Variants in SERPINF1 observed in about 807,000 individuals in gnomAD.
SERPINF1 encodes the protein pigment epithelium-derived factor.
A neutral mutation model predicts 37.3 loss-of-function variants in SERPINF1; 29 were observed. That is an observed-to-expected ratio of 0.78 (90% CI 0.58 to 1.06). The LOEUF (loss-of-function observed/expected upper bound fraction) is 1.06, where lower values mean the gene tolerates loss of function less well. Among genes scored for constraint, SERPINF1 ranks in the 50% least tolerant of loss-of-function variants. The pLI is 0.00. For missense variants in SERPINF1, 553 were observed against 532.2 expected, an observed-to-expected ratio of 1.04 and a Z score of -0.38; for synonymous variants, 281 against 227.9, an observed-to-expected ratio of 1.23 and a Z score of -2.10.
At chr17:1,764,672 C>T (rs1827102972) in intron 1 of SERPINF1, among the ~76,000 whole-genome samples, 1 of 152,132 alleles carries the variant, frequency 6.6e-6, no homozygotes, top group African/African-American at 2.4e-5. Flanking sequence ...AGGACGAGAG[C>T]CAACAATCAC....
At chr17:1,775,274 T>C (rs1226478347) in intron 6 of SERPINF1, 74 bp downstream of exon 6, 1 of 1,482,576 alleles carries the variant, frequency 6.7e-7, no homozygotes. Flanking sequence ...GTAGTGGGAA[T>C]AAAATGACCT....
At chr17:1,774,964 G>C in intron 5 of SERPINF1, 94 bp from the exon 6 acceptor site, 1 of 1,545,144 alleles carries the variant, frequency 6.5e-7, no homozygotes, top group Non-Finnish European at 8.9e-7. Context: ...CCTTGAGTGG[G>C]GCAATTTTCA....
chr17:1,776,002 A>G (rs550363801), intron 6 of SERPINF1, among the ~76,000 whole-genome samples: 2 of 152,280 alleles, frequency 1.3e-5, no homozygotes, highest in South Asian at 2.1e-4. Flanking sequence ...GTTTCTGTCA[A>G]CGATTTCGGA....
Position 1,777,452 on chromosome 17 carries a change from C to T in SERPINF1, c.*6C>T, listed in dbSNP as rs573596211. On this transcript the variant is annotated 3_prime_UTR_variant, in exon 8 of 8. Transcript: ENST00000254722. ...TGGACCCCAGGGGCCCCTAATATCC[C>T]AGTTTAATATTCCAATACCCTAGAA... is the stretch of plus-strand genomic sequence containing the variant. 3.1e-6 allele frequency: 5 copies of T among 1,614,052 alleles called. No individual in the cohort carries two copies. Among genetic ancestry groups the T allele is most frequent in the South Asian group, 1.1e-5 (1 of 91,070 alleles).
Position 1,770,005 on chromosome 17 carries a change from C to A in SERPINF1, c.238C>A (p.Leu80Met), listed in dbSNP as rs1374551304. 33 of 1,614,224 alleles carry A rather than the reference C, an allele frequency of 2.0e-5. No homozygotes were observed. Among genetic ancestry groups the A allele is most frequent in the Non-Finnish European group, 2.8e-5 (33 of 1,180,044 alleles). ...CACGAGCCCCACGACCAACGTGCTCCTGTCTCCTCTCAGTGTGGCCACGGC... is the reference window on the plus strand; with the variant it reads ...CACGAGCCCCACGACCAACGTGCTCATGTCTCCTCTCAGTGTGGCCACGGC... ...SSTSPTTNVL[L>M]SPLSVATALS... is the part of the protein sequence containing the mutation. Residue 80 changes from leucine to methionine, a missense_variant, in exon 3 of 8, where the codon CTG becomes ATG. By Grantham distance (15) the Leu-to-Met change is conservative. Coordinates refer to ENST00000254722, the MANE Select transcript of SERPINF1 (RefSeq NM_002615.7).
In SERPINF1 at chr17:1,769,913, T is replaced by A. The variant is rs957583427; in HGVS notation, c.146T>A (p.Val49Asp). ...GAGGAGGAGGATCCTTTCTTCAAAG[T>A]CCCCGTGAACAAGCTGGCAGCGGCT... is the stretch of plus-strand genomic sequence containing the variant. The part of the protein sequence containing the change: ...LVEEEDPFFK[V>D]PVNKLAAAVS... Residue 49 changes from valine (V) to aspartate (D), a missense_variant, in exon 3 of 8, where the codon GTC (valine) becomes GAC (aspartate). Coordinates refer to ENST00000254722, the MANE Select transcript of SERPINF1 (RefSeq NM_002615.7). 3 of 1,614,008 alleles carry A rather than the reference T, an allele frequency of 1.9e-6. No homozygotes were observed. The South Asian group carries it at 3.3e-5, about 18-fold the overall frequency.
At chr17:1,775,009 G>A in intron 5 of SERPINF1, 49 bp from the exon 6 acceptor site, 2 of 1,613,462 alleles carry the variant, frequency 1.2e-6, no homozygotes, top group Non-Finnish European at 1.7e-6. Context: ...TGGCGCCACT[G>A]TCTTTCTGGT....
At chr17:1,774,969 T>C in intron 5 of SERPINF1, 89 bp from the exon 6 acceptor site, 1 of 1,579,668 alleles carries the variant, frequency 6.3e-7, no homozygotes. Flanking sequence ...AGTGGGGCAA[T>C]TTTCAACAAC....
chr17:1,765,488 C>G (rs1385579609), intron 1 of SERPINF1, among the ~76,000 whole-genome samples: 2 of 150,822 alleles, frequency 1.3e-5, no homozygotes, highest in Non-Finnish European at 3.0e-5. Context: ...CGCCTGGCTA[C>G]TTTTTGTATT....
intron 2 of SERPINF1, 59 bp downstream of exon 2, chr17:1,767,053 C>A (rs1202188967): frequency 1.6e-5 from 23 of 1,452,402 alleles, no homozygotes; most frequent in Non-Finnish European, 2.1e-5. Flanking sequence ...TGGCAGGCAG[C>A]ACGGGAAACA....
chr17:1,776,464 C>T (rs1227189202), intron 6 of SERPINF1, 68 bp from the exon 7 acceptor site: 17 of 1,453,954 alleles, frequency 1.2e-5, no homozygotes, highest in Non-Finnish European at 1.5e-5. Flanking sequence ...GAAGGCAGCT[C>T]CTGGCTGTGT....
chr17:1,777,537 T>C lies in SERPINF1; in HGVS notation c.*91T>C. 6.6e-7 allele frequency: 1 copy of C among 1,504,418 alleles called. No individual in the cohort carries two copies. Among genetic ancestry groups the C allele is most frequent in the South Asian group, 1.1e-5 (1 of 87,960 alleles). The allele number at this position is 1,504,418 out of a possible 1,614,324, so 93.2% of individuals were successfully genotyped here. ...GAAGGCTGCCCCTGTAAGGTTTCAATGCATACAATAAAAGAGCTTTATCCC... is the reference window on the plus strand; with the variant it reads ...GAAGGCTGCCCCTGTAAGGTTTCAACGCATACAATAAAAGAGCTTTATCCC... On this transcript the variant is annotated 3_prime_UTR_variant, in exon 8 of 8. Transcript: ENST00000254722.
rs1567752630 is a variant in SERPINF1 at position 1,767,003 on chromosome 17, G to A, written c.84+9G>A. On this transcript the variant is annotated intron_variant, in intron 2 of 7. Transcript: ENST00000254722. Reference sequence around the variant, plus strand: ...CCAGCCCCCCGGAGGAGGTCAGTAGGCAGGCGGGGAGGGCGTGGTCAGCAT... The same window carrying A: ...CCAGCCCCCCGGAGGAGGTCAGTAGACAGGCGGGGAGGGCGTGGTCAGCAT... 1 of 1,550,454 alleles carries A rather than the reference G, an allele frequency of 6.4e-7. No individual in the cohort carries two copies.
chr17:1,769,051 C>T (rs1354580713), intron 2 of SERPINF1, among the ~76,000 whole-genome samples: 2 of 150,766 alleles, frequency 1.3e-5, no homozygotes, highest in Non-Finnish European at 3.0e-5. Flanking sequence ...AAGTGATTCA[C>T]CCACCTCAGC....
At chr17:1,762,360 G>A (rs12939927) in intron 1 of SERPINF1, 22 of 152,730 alleles carry the variant, frequency 1.4e-4, no homozygotes, top group Non-Finnish European at 2.8e-4. Context: ...CTGCACCGAC[G>A]GAAGAGGCTG....
At chr17:1,770,181 G>C in intron 3 of SERPINF1, 131 bp downstream of exon 3, 1 of 994,932 alleles carries the variant, frequency 1.0e-6, no homozygotes, top group Admixed American at 2.1e-5. Context: ...CCTGGCCTGG[G>C]GGTCCCAGCT....
At chr17:1,777,088 A>T (rs537072793) in intron 7 of SERPINF1, 99 bp from the exon 8 acceptor site, 1 of 1,590,290 alleles carries the variant, frequency 6.3e-7, no homozygotes, top group South Asian at 1.1e-5. Context: ...AGAGAAAGTC[A>T]ACAGTGCTGC....
chr17:1,770,997 G>C (rs1197254703), intron 3 of SERPINF1, 32 bp from the exon 4 acceptor site: 1 of 1,613,728 alleles, frequency 6.2e-7, no homozygotes, highest in African/African-American at 1.3e-5. Flanking sequence ...CTGGTGTGCA[G>C]TTATCAACGT....
At chr17:1,766,172 A>T (rs1907355507) in intron 1 of SERPINF1, 1 of 152,252 alleles carries the variant, frequency 6.6e-6, no homozygotes, top group Admixed American at 6.5e-5. Flanking sequence ...CCTCCAGGAC[A>T]AAGCTTTAGC....
Sources: allele counts gnomAD v4.1 joint callset (sites outside exome capture counted in the v4.1 genomes callset), GRCh38; gene constraint gnomAD v4.1.1; transcripts MANE v1.5; gene names NCBI Gene and HGNC (gene_info 2026-07-23, HGNC 2026-07-21).